Variants in SRSF2 observed in about 807,000 individuals in gnomAD.
SRSF2 encodes serine/arginine-rich splicing factor 2.
Under a neutral mutation model 15.7 loss-of-function variants are expected in SRSF2, and 4 were observed. The ratio of observed to expected loss-of-function variants is 0.26; its 90% CI spans 0.13 to 0.58. The LOEUF (loss-of-function observed/expected upper bound fraction) is 0.58, where lower values mean the gene tolerates loss of function less well. SRSF2 is among the 20% of genes least tolerant of loss of function. The pLI, the probability that SRSF2 is intolerant of heterozygous loss-of-function variation, is 0.90. For synonymous variants in SRSF2, 192 were observed against 138.9 expected (o/e 1.38, Z -2.69); for missense variants, 147 against 332.4 (o/e 0.44, Z 4.34).
In SRSF2 at chr17:76,734,762, G is replaced by A. The variant is rs1299669839; in HGVS notation, c.*404C>T. The A allele has an allele frequency of 3.4e-5, 8 of 237,190 alleles. No individual in the cohort carries two copies. Among genetic ancestry groups the A allele is most frequent in the Non-Finnish European group, 5.4e-5 (6 of 111,558 alleles). 14.7% of individuals were successfully genotyped at this position (237,190 alleles called of 1,614,324 possible). A position where few individuals can be genotyped will look rare whatever the true frequency, so the allele number is the denominator to read the frequency against. ...AATTTTAAGGAATGAAGGCAATGCTGAGTCAATCTCTTGACAGCTTTAGGC... is the reference window on the plus strand; with the variant it reads ...AATTTTAAGGAATGAAGGCAATGCTAAGTCAATCTCTTGACAGCTTTAGGC... On this transcript the variant is annotated 3_prime_UTR_variant, in exon 3 of 3. Coordinates refer to ENST00000359995, the MANE Select transcript of SRSF2 (RefSeq NM_001195427.2).
chr17:76,737,336 G>T (rs1012018154), upstream of SRSF2: 30 of 830,866 alleles, frequency 3.6e-5, no homozygotes, highest in Non-Finnish European at 5.0e-5. Context: ...ACAACTGGGC[G>T]GGCAGCCGGC....
rs752405402 is a variant in SRSF2 at position 76,736,878 on chromosome 17, G to T, written c.283C>A (p.Pro95Thr). Residue 95 changes from proline (P) to threonine (T), a missense_variant, in exon 1 of 3, where the codon CCC becomes ACC. Physicochemically the swap from Pro to Thr is conservative, Grantham distance 38 (BLOSUM62 -1). Around this residue, in one of 2 missense-constraint regions of SRSF2, gnomAD observed 125 missense variants for 185.1 expected, o/e 0.68. Transcript: ENST00000359995. ...CGGCGGCTGTGGTGTGAGTCCGGGGGGCGGCCGTAGCGCGCCATTTGCACC... is the reference window on the plus strand; with the variant it reads ...CGGCGGCTGTGGTGTGAGTCCGGGGTGCGGCCGTAGCGCGCCATTTGCACC... ...LRVQMARYGR[P>T]PDSHHSRRGP... The T allele has an allele frequency of 6.8e-6, 11 of 1,611,376 alleles. No homozygotes were observed. The highest frequency in any genetic ancestry group is 1.1e-5 in the South Asian group (1 of 91,010).
chr17:76,736,197 G>C lies in SRSF2; in HGVS notation c.630C>G (p.Pro210=), dbSNP rs776881024. 1.2e-6 allele frequency: 2 copies of C among 1,613,646 alleles called. No homozygotes were observed. Among genetic ancestry groups the C allele is most frequent in the African/African-American group, 2.7e-5 (2 of 74,906 alleles). The change falls in exon 2 of 3, where the codon CCC becomes CCG. Residue 210 remains proline, a synonymous_variant. Transcript: ENST00000359995. ...CCGCTCCTTCCTCTTCAGGAGACTT[G>C]GGGGGACTCTTCGATCGCGACCTGG... ...SKSRSRSKSP[P]KSPEEEGAVS...
Position 76,736,471 on chromosome 17 carries a change from G to A in SRSF2, c.363-7C>T, listed in dbSNP as rs1268909060. On this transcript the variant is annotated splice_polypyrimidine_tract_variant and splice_region_variant and intron_variant, in intron 1 of 2. Coordinates refer to ENST00000359995, the MANE Select transcript of SRSF2 (RefSeq NM_001195427.2). Reference sequence around the variant, plus strand: ...GCGGCGACGCCGCCTAGGGCTGCGGGCGGGACGAGCAAGCACAGCGGGGTT... The same window carrying A: ...GCGGCGACGCCGCCTAGGGCTGCGGACGGGACGAGCAAGCACAGCGGGGTT... 3.1e-6 allele frequency: 5 copies of A among 1,609,338 alleles called. No homozygotes were observed. The highest frequency in any genetic ancestry group is 1.3e-5 in the African/African-American group (1 of 75,058).
intron 2 of SRSF2, chr17:76,735,761 TAA>T (rs2077434992): frequency 2.8e-6 from 1 of 351,576 alleles, no homozygotes; most frequent in Non-Finnish European, 5.5e-6. Flanking sequence ...CTTTAACATT[TAA>T]AGACAAACCT....
chr17:76,735,936 A>T (rs999740705), intron 2 of SRSF2: 1 of 625,452 alleles, frequency 1.6e-6, no homozygotes. Context: ...ATTTTCATTA[A>T]TAGGTCTCAA....
At position 76,736,307 on chromosome 17, in the gene SRSF2, A is replaced by AGGACTT. The variant is rs746260518; in HGVS notation, c.514_519dup (p.Lys172_Ser173dup). ...CGCGAACGAGATCTGGAGACCGACGAGGACTTGGACTTGGACCTTCGTGCG... is the reference window on the plus strand; with the variant it reads ...CGCGAACGAGATCTGGAGACCGACGAGGACTTGGACTTGGACTTGGACCTTCGTGCG... On this transcript the variant is annotated inframe_insertion, in exon 2 of 3. Coordinates refer to ENST00000359995, the MANE Select transcript of SRSF2 (RefSeq NM_001195427.2). 2.2e-5 allele frequency: 36 copies of AGGACTT among 1,613,980 alleles called. No individual in the cohort carries two copies. Among genetic ancestry groups the AGGACTT allele is most frequent in the Non-Finnish European group, 2.9e-5 (34 of 1,180,016 alleles).
rs2143953733 is a variant in SRSF2, at chr17:76,737,236, C to T, written c.-76G>A. 1.4e-6 allele frequency: 2 copies of T among 1,459,986 alleles called. No homozygotes were observed. Among genetic ancestry groups the T allele is most frequent in the South Asian group, 1.4e-5 (1 of 71,692 alleles). The allele number at this position is 1,459,986 out of a possible 1,614,324, so 90.4% of individuals were successfully genotyped here. ...CTCTGGGCGGTGCGACGCCGCGCCTCTCAGGCAGTTGCCTTCCGCGTGGGG... is the reference window on the plus strand; with the variant it reads ...CTCTGGGCGGTGCGACGCCGCGCCTTTCAGGCAGTTGCCTTCCGCGTGGGG... On this transcript the variant is annotated 5_prime_UTR_variant, in exon 1 of 3. Coordinates refer to ENST00000359995, the MANE Select transcript of SRSF2 (RefSeq NM_001195427.2).
chr17:76,736,002 C>A, intron 2 of SRSF2, 152 bp downstream of exon 2: 1 of 727,002 alleles, frequency 1.4e-6, no homozygotes. Context: ...TTTCTGCAGA[C>A]CCCTCTCTTC....
upstream of SRSF2, chr17:76,737,387 G>A (rs758725036): frequency 8.0e-5 from 41 of 513,186 alleles, no homozygotes; most frequent in East Asian, 9.2e-4. Context: ...AATGGCGCCC[G>A]CGCCACCCGG....
At position 76,737,110 on chromosome 17, in the gene SRSF2, C is replaced by T; in HGVS notation, c.51G>A (p.Lys17=). The T allele has an allele frequency of 6.2e-7, 1 of 1,609,066 alleles. No homozygotes were observed. The highest frequency in any genetic ancestry group is 8.5e-7 in the Non-Finnish European group (1 of 1,177,652). ...PPDVEGMTSL[K]VDNLTYRTSP... is the part of the protein sequence containing the mutation. Reference sequence around the variant, plus strand: ...AGGTGCGGTAGGTCAGGTTGTCCACCTTGAGGGAGGTCATACCCTCCACAT... The same window carrying T: ...AGGTGCGGTAGGTCAGGTTGTCCACTTTGAGGGAGGTCATACCCTCCACAT... The change falls in exon 1 of 3, where the codon AAG becomes AAA. Residue 17 remains lysine, a synonymous_variant. Transcript: ENST00000359995.
chr17:76,734,288 G>A lies in SRSF2; in HGVS notation c.*878C>T. 4.4e-6 allele frequency: 1 copy of A among 229,036 alleles called. No homozygotes were observed. The allele number at this position is 229,036 out of a possible 1,614,324, so 14.2% of individuals were successfully genotyped here. On this transcript the variant is annotated 3_prime_UTR_variant, in exon 3 of 3. Transcript: ENST00000359995. ...AAGTTCATACATGTAGATATGATCA[G>A]ATTTACCATTTTTAGGGGGAAGAGG...
Position 76,737,178 on chromosome 17 carries a change from C to G in SRSF2, c.-18G>C. ...TAGCTCATAGCTCTGAGTGGCGGCC[C>G]GGAGCCCCGCGAACTGGCGCCGGCT... On this transcript the variant is annotated 5_prime_UTR_variant, in exon 1 of 3. Transcript: ENST00000359995. The G allele has an allele frequency of 1.3e-6, 2 of 1,529,778 alleles. No individual in the cohort carries two copies. Among genetic ancestry groups the G allele is most frequent in the South Asian group, 1.2e-5 (1 of 81,170 alleles). The allele number at this position is 1,529,778 out of a possible 1,614,324, so 94.8% of individuals were successfully genotyped here.
chr17:76,736,121 T>C (rs2077453456), intron 2 of SRSF2, 33 bp downstream of exon 2: 1 of 1,543,594 alleles, frequency 6.5e-7, no homozygotes, highest in African/African-American at 1.4e-5. Flanking sequence ...ATTTATGAAT[T>C]AGGGTTATGT....
chr17:76,736,642 C>T, intron 1 of SRSF2, 157 bp downstream of exon 1: 1 of 1,166,888 alleles, frequency 8.6e-7, no homozygotes, highest in Non-Finnish European at 1.1e-6. Context: ...TCGCAGACGG[C>T]GGAAGCTCGC....
intron 1 of SRSF2, 162 bp downstream of exon 1, chr17:76,736,637 G>A (rs1004642046): frequency 9.4e-6 from 11 of 1,166,394 alleles, no homozygotes; most frequent in Non-Finnish European, 1.2e-5. Flanking sequence ...CCGGGTCGCA[G>A]ACGGCGGAAG....
Position 76,736,373 on chromosome 17 carries a change from G to T in SRSF2, c.454C>A (p.Arg152Ser). ...GTCGACCGAGATCGAGAACGAGTGC[G>T]GGACCGAGACTTCGAGCGGCTGTAG... is the stretch of plus-strand genomic sequence containing the variant. ...SRYSRSKSRS[R>S]TRSRSRSTSK... Residue 152 changes from arginine (R) to serine (S), a missense_variant, in exon 2 of 3, where the codon CGC becomes AGC. Arg to Ser is a moderately radical substitution (Grantham distance 110). Transcript: ENST00000359995. The T allele has an allele frequency of 1.2e-6, 2 of 1,614,156 alleles. No individual in the cohort carries two copies. The highest frequency in any genetic ancestry group is 1.7e-6 in the Non-Finnish European group (2 of 1,180,018).
chr17:76,736,084 G>C (rs2077450179), intron 2 of SRSF2, 70 bp downstream of exon 2: 2 of 1,441,584 alleles, frequency 1.4e-6, no homozygotes, highest in Admixed American at 2.2e-5. Flanking sequence ...ACATTAACAC[G>C]ACTCAAAAAG....
Position 76,737,038 on chromosome 17 carries a change from G to A in SRSF2, c.123C>T (p.Gly41=). ...RRVFEKYGRV[G]DVYIPRDRYT... ...AGCGGTCCCGCGGGATGTACACGTCGCCGACGCGCCCGTACTTCTCGAAGA... is the reference window on the plus strand; with the variant it reads ...AGCGGTCCCGCGGGATGTACACGTCACCGACGCGCCCGTACTTCTCGAAGA... Residue 41 remains glycine (G), a synonymous_variant, in exon 1 of 3, where the codon GGC becomes GGT. Transcript: ENST00000359995. 1 of 1,613,324 alleles carries A rather than the reference G, an allele frequency of 6.2e-7. No individual in the cohort carries two copies. The highest frequency in any genetic ancestry group is 1.3e-5 in the African/African-American group (1 of 75,060).
Sources: gnomAD v4.1 joint callset for allele counts on GRCh38, gnomAD v4.1.1 for gene constraint, gnomAD v4.1.1 regional missense constraint, MANE v1.5 for transcripts, NCBI Gene and HGNC (gene_info 2026-07-23, HGNC 2026-07-21) for gene names.